RIMS2: variants seen among roughly 807,000 people sequenced by gnomAD.
RIMS2 encodes regulating synaptic membrane exocytosis protein 2.
Under a neutral mutation model 174.4 loss-of-function variants are expected in RIMS2, and 59 were observed. The observed-to-expected ratio is 0.34, with a 90% CI of 0.27 to 0.42. The LOEUF (loss-of-function observed/expected upper bound fraction) is 0.42. Among genes scored for constraint, RIMS2 ranks in the 10% least tolerant of loss-of-function variants. RIMS2 has a pLI of 1.00. For missense variants in RIMS2, 1,620 were observed against 1,666.3 expected, an observed-to-expected ratio of 0.97 and a Z score of 0.48; for synonymous variants, 606 against 572.5, an observed-to-expected ratio of 1.06 and a Z score of -0.84.
intron 1 of RIMS2, among the ~76,000 whole-genome samples, chr8:103,587,780 A>C (rs181017620): frequency 1.3e-5 from 2 of 152,242 alleles, no homozygotes; most frequent in East Asian, 3.9e-4. Context: ...AAAGCCACAT[A>C]TGACAGACCC....
At chr8:103,678,186 G>A (rs2096838639) in intron 1 of RIMS2, among the ~76,000 whole-genome samples, 2 of 152,038 alleles carry the variant, frequency 1.3e-5, no homozygotes, top group African/African-American at 4.8e-5. Flanking sequence ...ACAAGAACAG[G>A]GTAATATTCA....
rs1462344952 is a variant in RIMS2 at position 103,998,134 on chromosome 8, TCAC to T, written c.3044+8714_3044+8716del. 8 of 1,328,108 alleles carry T rather than the reference TCAC, an allele frequency of 6.0e-6. No homozygotes were observed. In the Admixed American group the frequency reaches 9.7e-5, roughly 16 times the overall value. 82.3% of individuals were successfully genotyped at this position (1,328,108 alleles called of 1,614,324 possible). A position where few individuals can be genotyped will look rare whatever the true frequency, so the allele number is the denominator to read the frequency against. On this transcript the variant is annotated intron_variant, in intron 17 of 23. Transcript: ENST00000504942. The stretch of plus-strand genomic sequence containing the variant: ...TTTTAAATTAAACTATACTTTTTTT[TCAC>T]TTCTTTCTTGAGTCTTATTTATATT...
At chr8:103,554,238 A>G (rs1849402000) in intron 1 of RIMS2, among the ~76,000 whole-genome samples, 1 of 152,172 alleles carries the variant, frequency 6.6e-6, no homozygotes, top group Non-Finnish European at 1.5e-5. Context: ...GAAACTGTCA[A>G]CAGAGTAAAT....
chr8:103,589,440 G>A (rs1171585669), intron 1 of RIMS2, among the ~76,000 whole-genome samples: 3 of 151,560 alleles, frequency 2.0e-5, no homozygotes, highest in African/African-American at 4.8e-5. Flanking sequence ...AAATGCTGAC[G>A]AGGATATGAA....
intron 14 of RIMS2, among the ~76,000 whole-genome samples, chr8:103,946,353 G>A (rs1427593686): frequency 2.6e-5 from 4 of 152,156 alleles, no homozygotes; most frequent in East Asian, 1.9e-4. Context: ...TTAGCCTGGC[G>A]TGGTGGCAGG....
At chr8:103,936,113 G>A (rs1051674787) in intron 12 of RIMS2, among the ~76,000 whole-genome samples, 1 of 152,146 alleles carries the variant, frequency 6.6e-6, no homozygotes, top group African/African-American at 2.4e-5. Context: ...TTATAGATAA[G>A]AAGTTGTGAA....
chr8:103,994,289 G>A (rs115743856), intron 17 of RIMS2, among the ~76,000 whole-genome samples: 364 of 152,158 alleles, frequency 2.4e-3, no homozygotes, highest in African/African-American at 8.2e-3. Flanking sequence ...GAATCAAAGT[G>A]TCTAGAAATT....
At chr8:103,915,137 A>C (rs1418253984) in intron 6 of RIMS2, among the ~76,000 whole-genome samples, 1 of 152,098 alleles carries the variant, frequency 6.6e-6, no homozygotes, top group Non-Finnish European at 1.5e-5. Context: ...AAGTATTTAC[A>C]TCTATAACTA....
At chr8:104,093,176 C>G (rs1346403953) in intron 19 of RIMS2, among the ~76,000 whole-genome samples, 1 of 151,900 alleles carries the variant, frequency 6.6e-6, no homozygotes, top group Non-Finnish European at 1.5e-5. Context: ...ATGTTTATTT[C>G]CCAGATCTTA....
At chr8:104,077,488 A>G (rs1222167263) in intron 19 of RIMS2, among the ~76,000 whole-genome samples, 1 of 151,608 alleles carries the variant, frequency 6.6e-6, no homozygotes, top group Non-Finnish European at 1.5e-5. Context: ...AAATCTATTC[A>G]AATTTTTTTC....
At chr8:103,845,127 C>T (rs961086180) in intron 3 of RIMS2, among the ~76,000 whole-genome samples, 1 of 152,002 alleles carries the variant, frequency 6.6e-6, no homozygotes, top group Non-Finnish European at 1.5e-5. Flanking sequence ...GAAAGTTAAA[C>T]CTACAATCAC....
chr8:103,759,179 G>A (rs2098075496), intron 2 of RIMS2, among the ~76,000 whole-genome samples: 1 of 152,058 alleles, frequency 6.6e-6, no homozygotes, highest in African/African-American at 2.4e-5. Context: ...TATTATTTGA[G>A]ATCCATGGAA....
At chr8:104,245,592 A>T (rs534778128) in intron 20 of RIMS2, among the ~76,000 whole-genome samples, 1 of 152,320 alleles carries the variant, frequency 6.6e-6, no homozygotes, top group Admixed American at 6.5e-5. Context: ...CTTTGAATCA[A>T]CTGTCTCAGA....
In RIMS2 at chr8:104,154,172, A is replaced by C. The variant is rs192630110; in HGVS notation, c.3335-90744A>C. Among the ~76,000 whole-genome samples the C allele has an allele frequency of 1.1e-3, 172 of 152,324 alleles. 1 individual carries two copies. The highest frequency in any genetic ancestry group is 3.2e-3 in the African/African-American group (135 of 41,582). ...TATCTCCATTCGATAGATGGGGGGA[A>C]AAAGTAGGGAGACAGGAAATAAATT... On this transcript the variant is annotated intron_variant, in intron 19 of 23. Transcript: ENST00000504942.
At chr8:103,552,532 A>G (rs986195428) in intron 1 of RIMS2, among the ~76,000 whole-genome samples, 1 of 152,166 alleles carries the variant, frequency 6.6e-6, no homozygotes, top group East Asian at 1.9e-4. Context: ...TCAGGACATA[A>G]GCATGGGCAA....
chr8:103,927,973 C>CT, intron 11 of RIMS2: 1 of 1,092,292 alleles, frequency 9.2e-7, no homozygotes. Context: ...AGTAGGAAAA[C>CT]TTTTTTTGTT....
intron 2 of RIMS2, among the ~76,000 whole-genome samples, chr8:103,727,952 T>C (rs1473314665): frequency 4.7e-5 from 3 of 64,344 alleles, no homozygotes; most frequent in Non-Finnish European, 1.0e-4. Flanking sequence ...AATTTTAGTA[T>C]TTTTTTTTAT....
At chr8:103,808,310 T>C (rs1428552823) in intron 3 of RIMS2, among the ~76,000 whole-genome samples, 1 of 152,168 alleles carries the variant, frequency 6.6e-6, no homozygotes, top group Non-Finnish European at 1.5e-5. Flanking sequence ...TCTGTTTCCT[T>C]CACTGGCTTC....
Position 104,249,518 on chromosome 8 carries a change from G to C in RIMS2, c.3621G>C (p.Lys1207Asn). 6.8e-6 allele frequency: 11 copies of C among 1,611,768 alleles called. No homozygotes were observed. The highest frequency in any genetic ancestry group is 8.5e-6 in the Non-Finnish European group (10 of 1,177,998). ...TTCAGGTAGGAATGATGGACAAAAA[G>C]GGACAGCTGGAGGTAGAAATCATCC... Residue 1207 changes from lysine to asparagine, a missense_variant, in exon 22 of 24, where the codon AAG becomes AAC. Lys to Asn is a moderately conservative substitution (Grantham distance 94). Around this residue, in one of 2 missense-constraint regions of RIMS2, gnomAD observed 225 missense variants for 306.2 expected, o/e 0.73. Coordinates refer to ENST00000504942, the Ensembl canonical transcript of RIMS2.
Sources: allele counts gnomAD v4.1 joint callset (sites outside exome capture counted in the v4.1 genomes callset), GRCh38; gene constraint gnomAD v4.1.1; regional missense constraint gnomAD v4.1.1; transcripts MANE v1.5; gene names NCBI Gene and HGNC (gene_info 2026-07-23, HGNC 2026-07-21).